The following SAMD10 variants were observed in gnomAD, a reference collection of about 807,000 sequenced individuals.
The protein encoded by SAMD10 is sterile alpha motif domain containing 10.
Under a neutral mutation model 22.5 loss-of-function variants are expected in SAMD10, and 16 were observed. That is an observed-to-expected ratio of 0.71 (90% CI 0.48 to 1.08). The LOEUF (loss-of-function observed/expected upper bound fraction) is 1.08, where lower values mean the gene tolerates loss of function less well. SAMD10 is among the 50% of genes least tolerant of loss of function. SAMD10 has a pLI of 0.00. For synonymous variants in SAMD10, 118 were observed against 122.2 expected (o/e 0.97, Z 0.23); for missense variants, 227 against 281.3 (o/e 0.81, Z 1.38).
rs369003873 is a variant in SAMD10, at chr20:63,977,306, C to A, written c.192G>T (p.Thr64=). 1.9e-5 allele frequency: 30 copies of A among 1,613,354 alleles called. No homozygotes were observed. Among genetic ancestry groups the A allele is most frequent in the Non-Finnish European group, 2.5e-5 (29 of 1,180,028 alleles). Residue 64 remains threonine, a synonymous_variant, in exon 2 of 5, where the codon ACG becomes ACT. Coordinates refer to ENST00000369886, the MANE Select transcript of SAMD10 (RefSeq NM_080621.5). The surrounding 1 kb of genome is among the most constrained non-coding windows in gnomAD (Gnocchi z 5.4). ...HLPRTPGTSL[T]WHDSRSQRAA... ...CCCTCTGGCTGCGGGAGTCATGCCACGTGAGGCTGGTGCCAGGTGTCCGAG... is the reference window on the plus strand; with the variant it reads ...CCCTCTGGCTGCGGGAGTCATGCCAAGTGAGGCTGGTGCCAGGTGTCCGAG...
chr20:63,976,787 AAAAAG>A (rs1289843149), intron 3 of SAMD10, among the ~76,000 whole-genome samples, 179 bp downstream of exon 3: 44 of 150,960 alleles, frequency 2.9e-4, no homozygotes, highest in South Asian at 8.4e-4. Flanking sequence ...AAAAAAAAAA[AAAAAG>A]AAAGGCAGAG....
At chr20:63,978,239 G>A (rs1161017772) in intron 1 of SAMD10, 1 of 1,160,322 alleles carries the variant, frequency 8.6e-7, no homozygotes, top group Non-Finnish European at 1.2e-6. Context: ...TGGGGGCACT[G>A]CTGACCTGAG....
rs768623865 is a variant in SAMD10, at chr20:63,975,484, G to A, written c.*26C>T. ...CCGTGGACTCCCATCACAGTGCTGG[G>A]GTCTGGGTTCAAGCCTCAGCAGCAG... is the stretch of plus-strand genomic sequence containing the variant. On this transcript the variant is annotated 3_prime_UTR_variant, in exon 5 of 5. Transcript: ENST00000369886. 4.3e-6 allele frequency: 7 copies of A among 1,611,398 alleles called. No individual in the cohort carries two copies. The highest frequency in any genetic ancestry group is 1.7e-4 in the Middle Eastern group (1 of 6,050).
intron 4 of SAMD10, 27 bp from the exon 5 acceptor site, chr20:63,975,559 G>A (rs781003212): frequency 6.2e-7 from 1 of 1,601,540 alleles, no homozygotes; most frequent in African/African-American, 1.4e-5. Context: ...GGTGAGAATG[G>A]GGTGGGGTCT....
At chr20:63,979,705 C>T (rs1043723168), upstream of SAMD10, 26 of 984,896 alleles carry the variant, frequency 2.6e-5, no homozygotes, top group African/African-American at 4.2e-4. This position sits in a 1 kb window ranked among gnomAD's most constrained non-coding sequence, Gnocchi z 7.7. Flanking sequence ...TGCACCAAGG[C>T]TGTCCGCCAG....
At position 63,977,254 on chromosome 20, in the gene SAMD10, G is replaced by A; in HGVS notation, c.244C>T (p.Leu82=). The change falls in exon 2 of 5, where the codon CTG becomes TTG. Residue 82 remains leucine (L), a synonymous_variant. Coordinates refer to ENST00000369886, the MANE Select transcript of SAMD10 (RefSeq NM_080621.5). The surrounding 1 kb of genome is among the most constrained non-coding windows in gnomAD (Gnocchi z 5.4). Reference sequence around the variant, plus strand: ...GGGGTGTCTGTGCCGGGCTGCTGCAGGAGCTTGATTGGCCTGCTGCTGGCC... The same window carrying A: ...GGGGTGTCTGTGCCGGGCTGCTGCAAGAGCTTGATTGGCCTGCTGCTGGCC... ...RAASSRPIKL[L]QQPGTDTPQG... 6.2e-7 allele frequency: 1 copy of A among 1,613,518 alleles called. No individual in the cohort carries two copies. The highest frequency in any genetic ancestry group is 8.5e-7 in the Non-Finnish European group (1 of 1,179,988).
At chr20:63,979,738 CT>C, upstream of SAMD10, 1 of 953,800 alleles carries the variant, frequency 1.0e-6, no homozygotes, top group Non-Finnish European at 1.2e-6. This position sits in a 1 kb window ranked among gnomAD's most constrained non-coding sequence, Gnocchi z 7.7. Context: ...CCGTGCGCCC[CT>C]GGGCACGGCT....
In SAMD10 at chr20:63,979,581, C is replaced by G; in HGVS notation, c.-114G>C. 1.0e-6 allele frequency: 1 copy of G among 984,202 alleles called. No homozygotes were observed. The highest frequency in any genetic ancestry group is 1.2e-6 in the Non-Finnish European group (1 of 830,052). 61.0% of individuals were successfully genotyped at this position (984,202 alleles called of 1,614,324 possible). On this transcript the variant is annotated 5_prime_UTR_variant, in exon 1 of 5. Coordinates refer to ENST00000369886, the MANE Select transcript of SAMD10 (RefSeq NM_080621.5). This position sits in a 1 kb window ranked among gnomAD's most constrained non-coding sequence, Gnocchi z 7.7. The stretch of plus-strand genomic sequence containing the variant: ...CGCCCCGCCCCAGCCGGCCCCGCGC[C>G]CGAGCCGGTCCCCGCGGCCCGCGAG...
intron 4 of SAMD10, 43 bp from the exon 5 acceptor site, chr20:63,975,575 A>G: frequency 6.3e-7 from 1 of 1,598,472 alleles, no homozygotes; most frequent in Non-Finnish European, 8.5e-7. Flanking sequence ...GGTCTTTGGC[A>G]TCATCTGCAT....
At chr20:63,976,788 A>AAAAAAAAAAAAAAAG (rs2059025823) in intron 3 of SAMD10, among the ~76,000 whole-genome samples, 183 bp downstream of exon 3, 2 of 147,064 alleles carry the variant, frequency 1.4e-5, no homozygotes, top group African/African-American at 5.1e-5. Flanking sequence ...AAAAAAAAAA[A>AAAAAAAAAAAAAAAG]AAAGAAAGGC....
Position 63,979,040 on chromosome 20 carries a change from G to A in SAMD10, c.91+337C>T, listed in dbSNP as rs1263968983. Among the ~76,000 whole-genome samples the A allele has an allele frequency of 6.6e-6, 1 of 152,192 alleles. No homozygotes were observed. Among genetic ancestry groups the A allele is most frequent in the East Asian group, 1.9e-4 (1 of 5,172 alleles). On this transcript the variant is annotated intron_variant, in intron 1 of 4. Transcript: ENST00000369886. This position sits in a 1 kb window ranked among gnomAD's most constrained non-coding sequence, Gnocchi z 7.7. ...TGGGGCGGGGGCACCGAGGCGGGAT[G>A]TGACCTCGGCCCCCTTTCGGCCCCA...
At position 63,975,468 on chromosome 20, in the gene SAMD10, C is replaced by T. The variant is rs907542129; in HGVS notation, c.*42G>A. 1.2e-6 allele frequency: 2 copies of T among 1,611,562 alleles called. No individual in the cohort carries two copies. Among genetic ancestry groups the T allele is most frequent in the Admixed American group, 3.4e-5 (2 of 59,398 alleles). On this transcript the variant is annotated 3_prime_UTR_variant, in exon 5 of 5. Transcript: ENST00000369886. ...TTGGCCTCCTCCCTAGCCGTGGACT[C>T]CCATCACAGTGCTGGGGTCTGGGTT...
intron 3 of SAMD10, among the ~76,000 whole-genome samples, chr20:63,976,764 C>CAAAAAAAAAAAAAAAAAAA (rs60461303): frequency 1.1e-4 from 7 of 63,894 alleles, no homozygotes; most frequent in African/African-American, 4.7e-4. Flanking sequence ...TCTGTCTCAC[C>CAAAAAAAAAAAAAAAAAAA]AAAAAAAAAA....
At position 63,974,129 on chromosome 20, in the gene SAMD10, C is replaced by G. The variant is rs371305393; in HGVS notation, c.*1381G>C. The G allele has an allele frequency of 2.1e-3, 314 of 152,332 alleles. 11 individuals carry two copies. In the South Asian group the frequency reaches 0.055, roughly 27 times the overall value. 9.4% of individuals were successfully genotyped at this position (152,332 alleles called of 1,614,324 possible). On this transcript the variant is annotated 3_prime_UTR_variant, in exon 5 of 5. Coordinates refer to ENST00000369886, the MANE Select transcript of SAMD10 (RefSeq NM_080621.5). ...AGCACCGCCAGCACTTGGGAACCAG[C>G]TTTATTTCTGATTTTTTTTTTTTGT...
In SAMD10 at chr20:63,975,494, C is replaced by G. The variant is rs1412803427; in HGVS notation, c.*16G>C. On this transcript the variant is annotated 3_prime_UTR_variant, in exon 5 of 5. Coordinates refer to ENST00000369886, the MANE Select transcript of SAMD10 (RefSeq NM_080621.5). ...CCATCACAGTGCTGGGGTCTGGGTT[C>G]AAGCCTCAGCAGCAGCTAGGACATT... The G allele has an allele frequency of 1.2e-6, 2 of 1,610,206 alleles. No homozygotes were observed. The highest frequency in any genetic ancestry group is 1.1e-5 in the South Asian group (1 of 90,586).
chr20:63,975,864 C>T, intron 3 of SAMD10, 32 bp from the exon 4 acceptor site: 1 of 1,539,098 alleles, frequency 6.5e-7, no homozygotes, highest in Non-Finnish European at 8.7e-7. Flanking sequence ...TGAGCTGAGG[C>T]CAACAGAGGC....
Position 63,975,836 on chromosome 20 carries a change from G to T in SAMD10, c.446-4C>A. 1 of 1,590,800 alleles carries T rather than the reference G, an allele frequency of 6.3e-7. No individual in the cohort carries two copies. The stretch of plus-strand genomic sequence containing the variant: ...TTCAGCCGCAGCAGTGCCCGGCCTG[G>T]GGAGAGGAAAGAGGGGCTGAGCTGA... On this transcript the variant is annotated splice_polypyrimidine_tract_variant and splice_region_variant and intron_variant, in intron 3 of 4. Coordinates refer to ENST00000369886, the MANE Select transcript of SAMD10 (RefSeq NM_080621.5).
Position 63,974,689 on chromosome 20 carries a change from C to A in SAMD10, c.*821G>T, listed in dbSNP as rs572730081. 6.7e-6 allele frequency: 1 copy of A among 148,226 alleles called. No homozygotes were observed. The highest frequency in any genetic ancestry group is 6.7e-5 in the Admixed American group (1 of 14,932). 9.2% of individuals were successfully genotyped at this position (148,226 alleles called of 1,614,324 possible). On this transcript the variant is annotated 3_prime_UTR_variant, in exon 5 of 5. Coordinates refer to ENST00000369886, the MANE Select transcript of SAMD10 (RefSeq NM_080621.5). ...GGGAAAGCAGCAATGGGAAGGCCCA[C>A]GCACAAGGCCCTTGTTCTTGAGGGC...
chr20:63,975,255 A>G lies in SAMD10; in HGVS notation c.*255T>C. ...CACATGCTGCCAGCTGCACCAGGGG[A>G]GGGCTTGGGCTCAGGTCCCAGGAGG... On this transcript the variant is annotated 3_prime_UTR_variant, in exon 5 of 5. Transcript: ENST00000369886. 1.9e-6 allele frequency: 1 copy of G among 525,420 alleles called. No individual in the cohort carries two copies. The highest frequency in any genetic ancestry group is 2.5e-5 in the South Asian group (1 of 40,374). The allele number at this position is 525,420 out of a possible 1,614,324, so 32.5% of individuals were successfully genotyped here. A position where few individuals can be genotyped will look rare whatever the true frequency, so the allele number is the denominator to read the frequency against.
Sources: allele counts gnomAD v4.1 joint callset (sites outside exome capture counted in the v4.1 genomes callset), GRCh38; gene constraint gnomAD v4.1.1; non-coding constraint Gnocchi (gnomAD v3.1); transcripts MANE v1.5; gene names NCBI Gene and HGNC (gene_info 2026-07-23, HGNC 2026-07-21).